The following CBFB variants were observed in gnomAD, a reference collection of about 807,000 sequenced individuals.
The protein encoded by CBFB is CBF-beta.
In CBFB, 9 loss-of-function variants were observed where a neutral mutation model predicts 30.4. The observed-to-expected ratio is 0.30, with a 90% CI of 0.18 to 0.52. CBFB has a LOEUF of 0.52. CBFB is among the 20% of genes least tolerant of loss of function. CBFB has a pLI of 0.97. For synonymous variants in CBFB, 94 were observed against 84.0 expected, an observed-to-expected ratio of 1.12 and a Z score of -0.65; for missense variants, 170 against 244.0, an observed-to-expected ratio of 0.70 and a Z score of 2.02.
At chr16:67,063,757 AT>A (rs1960976345) in intron 3 of CBFB, among the ~76,000 whole-genome samples, 1 of 152,150 alleles carries the variant, frequency 6.6e-6, no homozygotes, top group Non-Finnish European at 1.5e-5. Context: ...TATAAGTACT[AT>A]TTTAAAGGTA....
At chr16:67,081,432 T>TAG (rs1451850332) in intron 4 of CBFB, among the ~76,000 whole-genome samples, 1 of 152,058 alleles carries the variant, frequency 6.6e-6, no homozygotes, top group Non-Finnish European at 1.5e-5. Context: ...CCAACAATGA[T>TAG]AGACTGGATT....
At chr16:67,039,470 T>C (rs1302104333) in intron 3 of CBFB, among the ~76,000 whole-genome samples, 1 of 152,124 alleles carries the variant, frequency 6.6e-6, no homozygotes, top group Non-Finnish European at 1.5e-5. Flanking sequence ...CCGCACTAAA[T>C]CTATAAAAAT....
At chr16:67,039,809 T>C (rs925200192) in intron 3 of CBFB, among the ~76,000 whole-genome samples, 4 of 152,142 alleles carry the variant, frequency 2.6e-5, no homozygotes, top group Non-Finnish European at 4.4e-5. Context: ...AACTCTGCTG[T>C]TGTGGTGTGA....
chr16:67,070,439 A>T (rs775210688), intron 4 of CBFB, among the ~76,000 whole-genome samples: 1 of 152,250 alleles, frequency 6.6e-6, no homozygotes, highest in African/African-American at 2.4e-5. Context: ...TGAATTTCCA[A>T]TTCTTTCAGA....
intron 3 of CBFB, among the ~76,000 whole-genome samples, chr16:67,041,411 A>G (rs924836052): frequency 4.6e-5 from 7 of 152,154 alleles, no homozygotes; most frequent in African/African-American, 7.2e-5. Flanking sequence ...CATATCCTGG[A>G]TGTATTTTGA....
At chr16:67,094,295 G>A (rs1253904968) in intron 5 of CBFB, among the ~76,000 whole-genome samples, 1 of 151,806 alleles carries the variant, frequency 6.6e-6, no homozygotes, top group African/African-American at 2.4e-5. Context: ...CTTCATCACA[G>A]TGTCTTTCCT....
chr16:67,052,956 G>A (rs935085288), intron 3 of CBFB, among the ~76,000 whole-genome samples: 1 of 148,250 alleles, frequency 6.7e-6, no homozygotes, highest in Non-Finnish European at 1.5e-5. Context: ...ATGAGTCCTG[G>A]AAATCAAGGC....
At chr16:67,058,054 A>G (rs775240215) in intron 3 of CBFB, among the ~76,000 whole-genome samples, 1 of 152,192 alleles carries the variant, frequency 6.6e-6, no homozygotes, top group Admixed American at 6.5e-5. Flanking sequence ...ATTTTGTTGA[A>G]GATTACTTTG....
At chr16:67,096,790 CA>C (rs1962059788) in intron 5 of CBFB, among the ~76,000 whole-genome samples, 1 of 151,152 alleles carries the variant, frequency 6.6e-6, no homozygotes, top group Non-Finnish European at 1.5e-5. Context: ...CTGGCTAACA[CA>C]AAGAAACCCC....
chr16:67,095,938 C>T (rs2950868), intron 5 of CBFB, among the ~76,000 whole-genome samples: 2 of 151,740 alleles, frequency 1.3e-5, no homozygotes, highest in African/African-American at 4.8e-5. Context: ...GTGATCCGCC[C>T]ACCTTGGCCT....
intron 5 of CBFB, among the ~76,000 whole-genome samples, chr16:67,088,375 A>G (rs947608579): frequency 1.3e-5 from 2 of 152,214 alleles, no homozygotes; most frequent in African/African-American, 4.8e-5. Context: ...TAGAGATTCA[A>G]ACATCATCTA....
chr16:67,059,404 T>G (rs143541126), intron 3 of CBFB, among the ~76,000 whole-genome samples: 1 of 152,238 alleles, frequency 6.6e-6, no homozygotes, highest in East Asian at 1.9e-4. Context: ...AGAATGGAGT[T>G]TTTCTATCAT....
chr16:67,036,634 A>G lies in CBFB; in HGVS notation c.166-5A>G, dbSNP rs1016457413. 1 of 1,579,016 alleles carries G rather than the reference A, an allele frequency of 6.3e-7. No homozygotes were observed. The highest frequency in any genetic ancestry group is 8.7e-7 in the Non-Finnish European group (1 of 1,148,094). On this transcript the variant is annotated splice_polypyrimidine_tract_variant and splice_region_variant and intron_variant, in intron 2 of 5. Transcript: ENST00000412916. ...TGATCCTGTTTGTATTGATTTTTCT[A>G]AAAGGCTTTTGTGGCCACAGGAACC... is the stretch of plus-strand genomic sequence containing the variant.
intron 4 of CBFB, among the ~76,000 whole-genome samples, chr16:67,076,787 T>A (rs1961410989): frequency 6.6e-6 from 1 of 152,216 alleles, no homozygotes; most frequent in Admixed American, 6.5e-5. Context: ...AACAAAACTT[T>A]ACTACAAAGA....
At chr16:67,074,110 A>G (rs1294339307) in intron 4 of CBFB, among the ~76,000 whole-genome samples, 2 of 152,162 alleles carry the variant, frequency 1.3e-5, no homozygotes, top group African/African-American at 4.8e-5. Flanking sequence ...TAATTTACAC[A>G]CTATTAAGAA....
At chr16:67,069,440 A>G (rs190394297) in intron 4 of CBFB, among the ~76,000 whole-genome samples, 21 of 152,310 alleles carry the variant, frequency 1.4e-4, no homozygotes, top group Admixed American at 3.9e-4. Context: ...TAAATGGTAG[A>G]TAAGAGCTGA....
chr16:67,054,733 T>G (rs1235957719), intron 3 of CBFB, among the ~76,000 whole-genome samples: 2 of 151,990 alleles, frequency 1.3e-5, no homozygotes, highest in Non-Finnish European at 1.5e-5. Context: ...TAATTTCTAC[T>G]ATATTTCAAC....
intron 2 of CBFB, among the ~76,000 whole-genome samples, chr16:67,031,241 A>T (rs1279978959): frequency 6.6e-6 from 1 of 152,224 alleles, no homozygotes; most frequent in Admixed American, 6.5e-5. Flanking sequence ...TCATTAGTGC[A>T]TGTTATGAAA....
chr16:67,098,628 G>GCTA, intron 5 of CBFB, 82 bp from the exon 6 acceptor site: 1 of 767,194 alleles, frequency 1.3e-6, no homozygotes, highest in Non-Finnish European at 2.3e-6. Flanking sequence ...TTTTCTGTGT[G>GCTA]CTACTGTCTT....
Sources: allele counts gnomAD v4.1 joint callset (sites outside exome capture counted in the v4.1 genomes callset), GRCh38; gene constraint gnomAD v4.1.1; transcripts MANE v1.5; gene names NCBI Gene and HGNC (gene_info 2026-07-23, HGNC 2026-07-21).